The following NBPF19 variants were observed in gnomAD, a reference collection of about 807,000 sequenced individuals.
NBPF19 encodes NBPF family member NBPF19.
NBPF19 carries 30 observed loss-of-function variants against 45.9 expected under a neutral mutation model. The ratio of observed to expected loss-of-function variants is 0.65; its 90% CI spans 0.49 to 0.89. The LOEUF (loss-of-function observed/expected upper bound fraction) is 0.89. Ranked by LOEUF, NBPF19 falls within the 40% of genes least tolerant of loss-of-function variation. The pLI, the probability that NBPF19 is intolerant of heterozygous loss-of-function variation, is 0.00. For missense variants in NBPF19, 495 were observed against 471.8 expected (o/e 1.05, Z -0.46); for synonymous variants, 183 against 181.2 (o/e 1.01, Z -0.08).
chr1:149,554,828 A>C lies in NBPF19; in HGVS notation c.*90A>C. On this transcript the variant is annotated 3_prime_UTR_variant, in exon 94 of 94. Transcript: ENST00000651566. ...GAATGAAACTACAGTTCCATTTGGA[A>C]GCCCAGACATAGGATGGGTCAGTGG... The C allele has an allele frequency of 6.3e-7, 1 of 1,591,428 alleles. No homozygotes were observed. Among genetic ancestry groups the C allele is most frequent in the South Asian group, 1.1e-5 (1 of 89,164 alleles).
Position 149,554,887 on chromosome 1 carries a change from G to C in NBPF19, c.*149G>C. 7.1e-7 allele frequency: 1 copy of C among 1,408,350 alleles called. No homozygotes were observed. The highest frequency in any genetic ancestry group is 2.0e-5 in the Admixed American group (1 of 49,238). 87.2% of individuals were successfully genotyped at this position (1,408,350 alleles called of 1,614,324 possible). A position where few individuals can be genotyped will look rare whatever the true frequency, so the allele number is the denominator to read the frequency against. ...CTTTTCCTATTCTCAAACCATGCCA[G>C]TGGCAACCTGTGCTCAGTCTGAAGA... is the stretch of plus-strand genomic sequence containing the variant. On this transcript the variant is annotated 3_prime_UTR_variant, in exon 94 of 94. Coordinates refer to ENST00000651566, the MANE Select transcript of NBPF19 (RefSeq NM_001351365.2).
At position 149,554,789 on chromosome 1, in the gene NBPF19, G is replaced by T. The variant is rs1360117101; in HGVS notation, c.*51G>T. 3.1e-6 allele frequency: 5 copies of T among 1,605,996 alleles called. No individual in the cohort carries two copies. The highest frequency in any genetic ancestry group is 1.3e-5 in the African/African-American group (1 of 74,682). ...TCATTCCTGCAGGCAGGACCTATAG[G>T]CACGTGAAGATTTGAATGAAACTAC... On this transcript the variant is annotated 3_prime_UTR_variant, in exon 94 of 94. Transcript: ENST00000651566.
At chr1:149,477,441 A>G (rs1295959617) in intron 2 of NBPF19, among the ~76,000 whole-genome samples, 45 of 151,304 alleles carry the variant, frequency 3.0e-4, no homozygotes, top group African/African-American at 1.0e-3. Flanking sequence ...TATGCTTCAG[A>G]TATGATTCTT....
rs1210098100 is a variant in NBPF19 at position 149,478,852 on chromosome 1, T to C, written c.279-28T>C. 7,216 of 1,571,156 alleles carry C rather than the reference T, an allele frequency of 4.6e-3. 281 individuals carry two copies. The highest frequency in any genetic ancestry group is 0.011 in the Middle Eastern group (48 of 4,360). ...ACGGATCACTCAACCCTTTCTACTC[T>C]TAAATTTTCTCTACCGTCTCACCTT... is the stretch of plus-strand genomic sequence containing the variant. On this transcript the variant is annotated intron_variant, in intron 3 of 93. Coordinates refer to ENST00000651566, the MANE Select transcript of NBPF19 (RefSeq NM_001351365.2).
At position 149,475,410 on chromosome 1, in the gene NBPF19, G is replaced by GAT. The variant is rs1259652765; in HGVS notation, c.-419_-418dup. 3.5e-3 allele frequency among the ~76,000 whole-genome samples: 520 copies of GAT among 150,548 alleles called. 17 individuals are homozygous for GAT. Among genetic ancestry groups the GAT allele is most frequent in the African/African-American group, 0.012 (505 of 40,936 alleles). On this transcript the variant is annotated 5_prime_UTR_variant, in exon 1 of 94. The change creates a premature stop within an existing upstream ORF in the 5' untranslated region. Coordinates refer to ENST00000651566, the MANE Select transcript of NBPF19 (RefSeq NM_001351365.2). ...CCTTGATGATGTTGTACAGACAAGA[G>GAT]ATAAACAGTGAGGAATATGCTTAGA...
At chr1:149,478,190 T>A (rs2084959520) in intron 3 of NBPF19, 143 bp downstream of exon 3, 1 of 736,848 alleles carries the variant, frequency 1.4e-6, no homozygotes, top group Non-Finnish European at 2.4e-6. Context: ...ACACAAATAT[T>A]TATCAGTGAA....
intron 93 of NBPF19, among the ~76,000 whole-genome samples, 198 bp from the exon 94 acceptor site, chr1:149,554,297 C>G (rs1401372491): frequency 2.1e-4 from 32 of 151,164 alleles, no homozygotes; most frequent in Non-Finnish European, 3.7e-4. Flanking sequence ...CTCTCTCTCT[C>G]TGTCTTTCTC....
intron 8 of NBPF19, among the ~76,000 whole-genome samples, 174 bp downstream of exon 8, chr1:149,486,467 G>A (rs1420799096): frequency 6.0e-5 from 9 of 150,006 alleles, no homozygotes; most frequent in African/African-American, 2.2e-4. Context: ...ACAGGCATGG[G>A]GTGGGTCAGT....
At chr1:149,487,194 C>T (rs1478291779) in intron 8 of NBPF19, 138 bp from the exon 9 acceptor site, 10 of 801,766 alleles carry the variant, frequency 1.2e-5, no homozygotes, top group Non-Finnish European at 2.0e-5. Flanking sequence ...GACCTCAGGC[C>T]TACTGCAATA....
Position 149,554,558 on chromosome 1 carries a change from T to G in NBPF19, c.11352T>G (p.Cys3784Trp). ...PEVLQDSLDG[C>W]YSTPSMYFEL... ...TCTTACAGGACTCACTGGATGGATG[T>G]TATTCGACTCCGTCAATGTACTTTG... Residue 3784 changes from cysteine to tryptophan, a missense_variant, in exon 94 of 94, where the codon TGT (cysteine) becomes TGG (tryptophan). By Grantham distance (215) the Cys-to-Trp change is radical. Around this residue, in one of 8 missense-constraint regions of NBPF19, gnomAD observed 248 missense variants for 95.4 expected, o/e 2.60. Transcript: ENST00000651566. 6.2e-7 allele frequency: 1 copy of G among 1,608,314 alleles called. No homozygotes were observed. Among genetic ancestry groups the G allele is most frequent in the Non-Finnish European group, 8.5e-7 (1 of 1,176,768 alleles).
intron 13 of NBPF19, among the ~76,000 whole-genome samples, chr1:149,490,910 G>A (rs1379241738): frequency 3.0e-5 from 4 of 132,872 alleles, no homozygotes; most frequent in Admixed American, 1.6e-4. Flanking sequence ...GTGTGTGTGT[G>A]TGTGTGTGTG....
At chr1:149,483,889 A>G (rs1418508601) in intron 7 of NBPF19, among the ~76,000 whole-genome samples, 1 of 29,260 alleles carries the variant, frequency 3.4e-5, no homozygotes, top group East Asian at 9.0e-4. Flanking sequence ...ACACTTTTAC[A>G]CTGTTGGTGG....
chr1:149,493,905 C>T (rs1571001674), intron 17 of NBPF19, among the ~76,000 whole-genome samples, 194 bp downstream of exon 17: 1 of 46,930 alleles, frequency 2.1e-5, no homozygotes, highest in Non-Finnish European at 3.6e-5. Flanking sequence ...TACTAACTTA[C>T]TATAGGTTGA....
chr1:149,483,595 T>A (rs1227804640), intron 7 of NBPF19, among the ~76,000 whole-genome samples: 5 of 150,612 alleles, frequency 3.3e-5, no homozygotes, highest in Non-Finnish European at 5.9e-5. Flanking sequence ...GGTTATTTCT[T>A]CCGTTAGTTG....
intron 7 of NBPF19, among the ~76,000 whole-genome samples, chr1:149,484,427 A>G (rs1460751338): frequency 1.4e-5 from 2 of 143,620 alleles, no homozygotes; most frequent in Non-Finnish European, 3.0e-5. Context: ...AAGCACGCCA[A>G]TGTGGACATG....
intron 2 of NBPF19, among the ~76,000 whole-genome samples, chr1:149,477,727 A>G (rs1215345980): frequency 6.6e-6 from 1 of 151,232 alleles, no homozygotes; most frequent in Non-Finnish European, 1.5e-5. Flanking sequence ...AACTTCCTTG[A>G]TGCGCCCTTG....
chr1:149,491,064 C>A, intron 13 of NBPF19, 75 bp from the exon 14 acceptor site: 1 of 327,530 alleles, frequency 3.1e-6, no homozygotes. Context: ...CCCTATGCTA[C>A]CCATGAAACC....
At chr1:149,492,517 TTCTCTC>T (rs1430204777) in intron 15 of NBPF19, among the ~76,000 whole-genome samples, 1 of 110,906 alleles carries the variant, frequency 9.0e-6, no homozygotes, top group Non-Finnish European at 1.9e-5. Context: ...CTAGGTCACT[TTCTCTC>T]TGTCTCTGTC....
In NBPF19 at chr1:149,488,260, C is replaced by G. The variant is rs1448288780; in HGVS notation, c.1213+75C>G. On this transcript the variant is annotated intron_variant, in intron 10 of 93. Coordinates refer to ENST00000651566, the MANE Select transcript of NBPF19 (RefSeq NM_001351365.2). Reference sequence around the variant, plus strand: ...AGGGTCATATTCCTACTGCAAGTGGCCCTTACTGAGCTGAGAGATGTCATT... The same window carrying G: ...AGGGTCATATTCCTACTGCAAGTGGGCCTTACTGAGCTGAGAGATGTCATT... 3 of 564,622 alleles carry G rather than the reference C, an allele frequency of 5.3e-6. No individual in the cohort carries two copies. The African/African-American group carries it at 6.4e-5, about 12-fold the overall frequency. The allele number at this position is 564,622 out of a possible 1,614,324, so 35.0% of individuals were successfully genotyped here. A position where few individuals can be genotyped will look rare whatever the true frequency, so the allele number is the denominator to read the frequency against.
Sources: gnomAD v4.1 joint callset for allele counts (sites outside exome capture counted in the v4.1 genomes callset) on GRCh38, gnomAD v4.1.1 for gene constraint, gnomAD v4.1.1 regional missense constraint, MANE v1.5 for transcripts, NCBI Gene and HGNC (gene_info 2026-07-23, HGNC 2026-07-21) for gene names.